NRG3: variants seen among roughly 807,000 people sequenced by gnomAD.
NRG3 encodes pro-neuregulin-3, membrane-bound isoform.
NRG3 carries 31 observed loss-of-function variants against 66.9 expected under a neutral mutation model. That is an observed-to-expected ratio of 0.46 (90% CI 0.35 to 0.63). The LOEUF (loss-of-function observed/expected upper bound fraction) is 0.63. Ranked by LOEUF, NRG3 falls within the 20% of genes least tolerant of loss-of-function variation. The pLI is 0.00. For synonymous variants in NRG3, 393 were observed against 359.4 expected, an observed-to-expected ratio of 1.09 and a Z score of -1.06; for missense variants, 910 against 878.9, an observed-to-expected ratio of 1.04 and a Z score of -0.45.
intron 1 of NRG3, among the ~76,000 whole-genome samples, chr10:82,282,573 C>G (rs556203605): frequency 4.0e-4 from 61 of 152,198 alleles, no homozygotes; most frequent in African/African-American, 1.3e-3. Flanking sequence ...ATGTGACCAG[C>G]CAAGTTGATT....
chr10:82,891,267 A>T (rs1235414492), intron 4 of NRG3, among the ~76,000 whole-genome samples: 5 of 151,920 alleles, frequency 3.3e-5, no homozygotes, highest in Admixed American at 3.3e-4. Context: ...CGGTCTGCTT[A>T]AAATACATAT....
intron 3 of NRG3, among the ~76,000 whole-genome samples, chr10:82,839,870 G>C (rs1314482040): frequency 1.3e-5 from 2 of 152,010 alleles, no homozygotes; most frequent in Admixed American, 1.3e-4. Flanking sequence ...CAATCACTCT[G>C]CTGATTTATA....
chr10:81,909,781 A>G (rs1025807396), intron 1 of NRG3, among the ~76,000 whole-genome samples: 7 of 152,224 alleles, frequency 4.6e-5, no homozygotes, highest in African/African-American at 1.7e-4. Context: ...ACAGAGCAAT[A>G]ATATTTAAAT....
intron 1 of NRG3, among the ~76,000 whole-genome samples, chr10:82,060,292 T>G (rs924389860): frequency 6.6e-6 from 1 of 152,166 alleles, no homozygotes; most frequent in Admixed American, 6.5e-5. Context: ...ATGGCATGCA[T>G]GAATGTTTAA....
chr10:81,895,059 C>G, intron 1 of NRG3, among the ~76,000 whole-genome samples: 1 of 152,156 alleles, frequency 6.6e-6, no homozygotes, highest in East Asian at 1.9e-4. Context: ...ATCTACTTCC[C>G]TTGGGCTCAC....
intron 3 of NRG3, among the ~76,000 whole-genome samples, chr10:82,822,510 T>C (rs1247224942): frequency 1.3e-5 from 2 of 152,092 alleles, no homozygotes; most frequent in Non-Finnish European, 2.9e-5. Flanking sequence ...TCTGGGGTCA[T>C]AACTTGCTCT....
chr10:82,597,875 C>G (rs1480131068), intron 2 of NRG3, among the ~76,000 whole-genome samples: 1 of 150,224 alleles, frequency 6.7e-6, no homozygotes, highest in East Asian at 2.0e-4. Flanking sequence ...GAGCCGAGAT[C>G]GCGCCATTGC....
intron 1 of NRG3, among the ~76,000 whole-genome samples, chr10:82,123,171 C>T (rs2068204005): frequency 6.6e-6 from 1 of 152,068 alleles, no homozygotes; most frequent in South Asian, 2.1e-4. Context: ...GTACCTGTTA[C>T]CTTTAAACAT....
At chr10:82,903,933 A>T (rs1353540301) in intron 4 of NRG3, among the ~76,000 whole-genome samples, 1 of 152,222 alleles carries the variant, frequency 6.6e-6, no homozygotes, top group Non-Finnish European at 1.5e-5. Flanking sequence ...AGACACAAGC[A>T]GTGAAGTCTG....
intron 2 of NRG3, among the ~76,000 whole-genome samples, chr10:82,713,872 T>C (rs966956752): frequency 6.6e-6 from 1 of 152,192 alleles, no homozygotes; most frequent in African/African-American, 2.4e-5. Flanking sequence ...TACCTCTTGA[T>C]TCTTGCTGCC....
chr10:82,018,847 G>C (rs1360966138), intron 1 of NRG3, among the ~76,000 whole-genome samples: 1 of 151,976 alleles, frequency 6.6e-6, no homozygotes, highest in African/African-American at 2.4e-5. Context: ...TGAGACGATG[G>C]GGTTTTCTAG....
chr10:82,753,498 T>C (rs1239304369), intron 3 of NRG3, among the ~76,000 whole-genome samples: 1 of 152,104 alleles, frequency 6.6e-6, no homozygotes, highest in Admixed American at 6.6e-5. Context: ...TCTTTTTCCT[T>C]TCTTTTTTTC....
chr10:82,773,389 A>G (rs991947040), intron 3 of NRG3, among the ~76,000 whole-genome samples: 3 of 152,156 alleles, frequency 2.0e-5, no homozygotes, highest in African/African-American at 7.2e-5. Flanking sequence ...TCTTCTTTGG[A>G]GAAATGTCTG....
At chr10:82,869,326 A>G (rs1202214643) in intron 4 of NRG3, among the ~76,000 whole-genome samples, 1 of 152,156 alleles carries the variant, frequency 6.6e-6, no homozygotes, top group East Asian at 1.9e-4. Flanking sequence ...AAGATCTCCT[A>G]CAATAGAGGT....
intron 4 of NRG3, among the ~76,000 whole-genome samples, chr10:82,878,679 C>T (rs1016273351): frequency 2.0e-5 from 3 of 152,108 alleles, no homozygotes; most frequent in Non-Finnish European, 2.9e-5. Context: ...GTAAACAGGA[C>T]GAGGATGAGG....
chr10:82,827,303 C>T, intron 3 of NRG3: 1 of 310,558 alleles, frequency 3.2e-6, no homozygotes, highest in Non-Finnish European at 6.2e-6. Flanking sequence ...AAGGCAACAG[C>T]ACACAGATGA....
At chr10:82,774,668 TC>T (rs2059830564) in intron 3 of NRG3, among the ~76,000 whole-genome samples, 1 of 151,934 alleles carries the variant, frequency 6.6e-6, no homozygotes, top group Non-Finnish European at 1.5e-5. Flanking sequence ...ACTCTTTTTT[TC>T]TTAGTCTAGT....
At chr10:82,831,132 T>A (rs551338629) in intron 3 of NRG3, among the ~76,000 whole-genome samples, 1 of 152,306 alleles carries the variant, frequency 6.6e-6, no homozygotes, top group Non-Finnish European at 1.5e-5. Context: ...TTGAGCTTAA[T>A]TAAGGTGACC....
At chr10:82,065,275 A>C (rs955288792) in intron 1 of NRG3, among the ~76,000 whole-genome samples, 7 of 152,162 alleles carry the variant, frequency 4.6e-5, no homozygotes, top group African/African-American at 1.7e-4. Context: ...ATAAAAACAC[A>C]TAGACAATTG....
Sources: gnomAD v4.1 joint callset for allele counts (sites outside exome capture counted in the v4.1 genomes callset) on GRCh38, gnomAD v4.1.1 for gene constraint, MANE v1.5 for transcripts, NCBI Gene and HGNC (gene_info 2026-07-23, HGNC 2026-07-21) for gene names.